The following RASAL2 variants were observed in gnomAD, a reference collection of about 807,000 sequenced individuals.
RASAL2 encodes the protein ras GTPase-activating protein nGAP.
RASAL2 carries 58 observed loss-of-function variants against 128.9 expected under a neutral mutation model. The observed-to-expected ratio is 0.45, with a 90% confidence interval of 0.36 to 0.56. The LOEUF (loss-of-function observed/expected upper bound fraction) is 0.56. RASAL2 is among the 20% of genes least tolerant of loss of function. The pLI is 0.00. For missense variants in RASAL2, 1,360 were observed against 1,601.6 expected, an observed-to-expected ratio of 0.85 and a Z score of 2.57; for synonymous variants, 561 against 580.8, an observed-to-expected ratio of 0.97 and a Z score of 0.49.
chr1:178,350,349 T>C (rs1378198885), intron 3 of RASAL2, among the ~76,000 whole-genome samples: 1 of 152,142 alleles, frequency 6.6e-6, no homozygotes, highest in African/African-American at 2.4e-5. Context: ...GCCCCCCGAG[T>C]AGCTGGAACT....
At chr1:178,330,309 A>G (rs1669233509) in intron 3 of RASAL2, among the ~76,000 whole-genome samples, 3 of 152,190 alleles carry the variant, frequency 2.0e-5, no homozygotes, top group Admixed American at 2.0e-4. Flanking sequence ...ATATATATCT[A>G]AGATTCTGCA....
intron 1 of RASAL2, among the ~76,000 whole-genome samples, chr1:178,172,116 C>T (rs1416888337): frequency 6.6e-6 from 1 of 151,870 alleles, no homozygotes; most frequent in East Asian, 1.9e-4. Flanking sequence ...GAGAGGTTGT[C>T]CATGAAAAAT....
At chr1:178,444,272 A>C (rs1676852232) in intron 8 of RASAL2, among the ~76,000 whole-genome samples, 1 of 152,118 alleles carries the variant, frequency 6.6e-6, no homozygotes, top group African/African-American at 2.4e-5. Context: ...TTAAAGTGGA[A>C]AAGTTCAGTA....
chr1:178,435,279 G>T (rs1676181616), intron 5 of RASAL2, among the ~76,000 whole-genome samples: 2 of 152,106 alleles, frequency 1.3e-5, no homozygotes, highest in Admixed American at 1.3e-4. Context: ...AGCCTCATTG[G>T]AGCTGTGGGG....
chr1:178,105,239 T>C (rs779802293), intron 1 of RASAL2, among the ~76,000 whole-genome samples: 2 of 152,192 alleles, frequency 1.3e-5, no homozygotes, highest in Non-Finnish European at 2.9e-5. Context: ...TTTAAAATCT[T>C]TTCTTCAGAA....
chr1:178,367,695 A>G (rs539025809), intron 3 of RASAL2, among the ~76,000 whole-genome samples: 51 of 152,372 alleles, frequency 3.3e-4, no homozygotes, highest in Non-Finnish European at 5.7e-4. Flanking sequence ...TTATTAAAAT[A>G]AAAATTAAGT....
At chr1:178,341,859 T>G (rs1001855083) in intron 3 of RASAL2, among the ~76,000 whole-genome samples, 3 of 152,150 alleles carry the variant, frequency 2.0e-5, no homozygotes, top group African/African-American at 7.2e-5. Flanking sequence ...ATAATGACCA[T>G]AGCAAAATAT....
At chr1:178,150,691 C>G (rs1390434405) in intron 1 of RASAL2, among the ~76,000 whole-genome samples, 1 of 152,094 alleles carries the variant, frequency 6.6e-6, no homozygotes, top group Non-Finnish European at 1.5e-5. Flanking sequence ...CATCATTATT[C>G]ATGGATTCTG....
chr1:178,339,862 G>A (rs1193374578), intron 3 of RASAL2, among the ~76,000 whole-genome samples: 1 of 152,108 alleles, frequency 6.6e-6, no homozygotes, highest in South Asian at 2.1e-4. Context: ...ATCAGCAATG[G>A]TCAAGTGAAT....
chr1:178,469,904 A>G (rs1648104180), intron 17 of RASAL2, among the ~76,000 whole-genome samples: 1 of 152,258 alleles, frequency 6.6e-6, no homozygotes, highest in Non-Finnish European at 1.5e-5. Context: ...AGTTGGGAGA[A>G]TCCACTAAAC....
chr1:178,132,871 C>T (rs1660171893), intron 1 of RASAL2, among the ~76,000 whole-genome samples: 1 of 150,070 alleles, frequency 6.7e-6, no homozygotes, highest in South Asian at 2.1e-4. Context: ...CGGGTTCAAG[C>T]GATTCTCCTG....
intron 9 of RASAL2, among the ~76,000 whole-genome samples, chr1:178,449,050 G>A (rs541425178): frequency 1.3e-5 from 2 of 152,192 alleles, no homozygotes; most frequent in South Asian, 2.1e-4. Flanking sequence ...TCTTCTTCTC[G>A]TTAAAGTTTT....
At chr1:178,199,040 G>T (rs1322731673) in intron 1 of RASAL2, among the ~76,000 whole-genome samples, 1 of 152,200 alleles carries the variant, frequency 6.6e-6, no homozygotes, top group East Asian at 1.9e-4. Context: ...CTCCAGCCAG[G>T]CTGGCTGCCC....
At chr1:178,358,891 A>G (rs1467496147) in intron 3 of RASAL2, among the ~76,000 whole-genome samples, 10 of 152,224 alleles carry the variant, frequency 6.6e-5, no homozygotes, top group Non-Finnish European at 1.5e-5. Context: ...ATATACTTCA[A>G]TAAGAGACTG....
intron 1 of RASAL2, among the ~76,000 whole-genome samples, chr1:178,251,636 C>T (rs1665058753): frequency 6.6e-6 from 1 of 152,096 alleles, no homozygotes; most frequent in Non-Finnish European, 1.5e-5. Flanking sequence ...GGGCTAGAAC[C>T]TTGAAAGATC....
chr1:178,186,929 T>G (rs866697079), intron 1 of RASAL2, among the ~76,000 whole-genome samples: 1 of 151,986 alleles, frequency 6.6e-6, no homozygotes, highest in Admixed American at 6.6e-5. Context: ...GCTCTAGTGA[T>G]CCTCCCGCCT....
chr1:178,411,189 CA>C (rs1557967936), intron 4 of RASAL2, among the ~76,000 whole-genome samples: 15 of 150,514 alleles, frequency 1.0e-4, no homozygotes, highest in Non-Finnish European at 1.5e-4. Flanking sequence ...CACACACACA[CA>C]CACCCCATGG....
Position 178,157,995 on chromosome 1 carries a change from T to C in RASAL2, c.202+63301T>C, listed in dbSNP as rs189995870. On this transcript the variant is annotated intron_variant, in intron 1 of 17. Transcript: ENST00000367649. ...ATTGCTCTTCATCTTCTATTGATTA[T>C]CACTTGGTGATTTTAAAAAATGAGT... 2.7e-3 allele frequency among the ~76,000 whole-genome samples: 406 copies of C among 152,362 alleles called. 1 individual carries two copies. Among genetic ancestry groups the C allele is most frequent in the Middle Eastern group, 0.01 (3 of 294 alleles).
intron 1 of RASAL2, among the ~76,000 whole-genome samples, chr1:178,187,653 T>C (rs1662352111): frequency 6.6e-6 from 1 of 152,220 alleles, no homozygotes; most frequent in Non-Finnish European, 1.5e-5. Flanking sequence ...TTTGATGGTT[T>C]GATTTTTGTT....
Sources: allele counts gnomAD v4.1 joint callset (sites outside exome capture counted in the v4.1 genomes callset), GRCh38; gene constraint gnomAD v4.1.1; transcripts MANE v1.5; gene names NCBI Gene and HGNC (gene_info 2026-07-23, HGNC 2026-07-21).